Variants in STPG2 observed in about 807,000 individuals in gnomAD.
STPG2 encodes sperm-tail PG-rich repeat-containing protein 2.
In STPG2, 56 loss-of-function variants were observed where a neutral mutation model predicts 54.2. The ratio of observed to expected loss-of-function variants is 1.03; its 90% confidence interval spans 0.83 to 1.29. STPG2 has a LOEUF of 1.29. Among genes scored for constraint, STPG2 ranks in the 50% most tolerant of loss-of-function variants. The pLI is 0.00. For missense variants in STPG2, 596 were observed against 544.9 expected, an observed-to-expected ratio of 1.09 and a Z score of -0.93; for synonymous variants, 200 against 181.8, an observed-to-expected ratio of 1.10 and a Z score of -0.81.
At chr4:97,972,528 T>G in intron 6 of STPG2, 88 bp from the exon 7 acceptor site, 2 of 779,038 alleles carry the variant, frequency 2.6e-6, no homozygotes, top group Non-Finnish European at 3.7e-6. Context: ...AAGGGTTTTT[T>G]TCTAAATAAA....
At chr4:97,549,404 T>C (rs79685288) in intron 4 of STPG2, among the ~76,000 whole-genome samples, 2,612 of 152,214 alleles carry the variant, frequency 0.017, 68 homozygotes, top group African/African-American at 0.058. Flanking sequence ...CTCTAAAATA[T>C]TATGTTTTCC....
intron 4 of STPG2, among the ~76,000 whole-genome samples, chr4:97,461,321 G>C (rs536352041): frequency 6.6e-6 from 1 of 152,098 alleles, no homozygotes; most frequent in Non-Finnish European, 1.5e-5. Context: ...ACACTGCTAT[G>C]GTCAGAATGT....
chr4:97,938,704 G>A (rs1415442541), intron 8 of STPG2, among the ~76,000 whole-genome samples: 1 of 152,170 alleles, frequency 6.6e-6, no homozygotes, highest in African/African-American at 2.4e-5. Context: ...GCTGGTGCTG[G>A]AGGTGCCCCT....
chr4:97,883,723 A>G (rs1460772696), intron 8 of STPG2, among the ~76,000 whole-genome samples: 1 of 152,212 alleles, frequency 6.6e-6, no homozygotes, highest in Non-Finnish European at 1.5e-5. Context: ...AGAAGAAGAA[A>G]AAAAGTTTTA....
At chr4:97,787,758 A>G (rs1378842957) in intron 9 of STPG2, among the ~76,000 whole-genome samples, 1 of 151,902 alleles carries the variant, frequency 6.6e-6, no homozygotes, top group Non-Finnish European at 1.5e-5. Flanking sequence ...GAAGAATTCA[A>G]TTTATTTGGT....
At chr4:98,066,014 A>C (rs1375239445) in intron 5 of STPG2, among the ~76,000 whole-genome samples, 1 of 152,028 alleles carries the variant, frequency 6.6e-6, no homozygotes, top group African/African-American at 2.4e-5. Context: ...TAATTTAATG[A>C]TATACCTATC....
At chr4:97,994,460 C>A (rs1735133566) in intron 5 of STPG2, among the ~76,000 whole-genome samples, 3 of 152,154 alleles carry the variant, frequency 2.0e-5, no homozygotes, top group African/African-American at 7.2e-5. Flanking sequence ...GGGTAGAATG[C>A]TCTGTAAATA....
At chr4:97,678,291 A>G (rs1455668282) in intron 10 of STPG2, among the ~76,000 whole-genome samples, 1 of 152,170 alleles carries the variant, frequency 6.6e-6, no homozygotes, top group Non-Finnish European at 1.5e-5. Flanking sequence ...ATTAAATTAC[A>G]GATTTCTCTA....
chr4:97,744,155 A>G lies in STPG2; in HGVS notation c.1205-31341T>C, dbSNP rs374770237. Among the ~76,000 whole-genome samples, 298 of 151,636 alleles carry G rather than the reference A, an allele frequency of 2.0e-3. 2 individuals are homozygous for G. Among genetic ancestry groups the G allele is most frequent in the African/African-American group, 6.5e-3 (270 of 41,516 alleles). Reference sequence around the variant, plus strand: ...TCTTAAATCACATCTTTCCACATATATATGAGAATAATGAAACAATGGTTT... The same window carrying G: ...TCTTAAATCACATCTTTCCACATATGTATGAGAATAATGAAACAATGGTTT... On this transcript the variant is annotated intron_variant, in intron 9 of 10. Transcript: ENST00000295268.
At chr4:98,089,099 T>C (rs1300940662) in intron 5 of STPG2, among the ~76,000 whole-genome samples, 3 of 152,110 alleles carry the variant, frequency 2.0e-5, no homozygotes, top group Non-Finnish European at 4.4e-5. Context: ...GATGATTTTG[T>C]GTACATGAAT....
chr4:97,486,569 G>A (rs1053648781), intron 4 of STPG2, among the ~76,000 whole-genome samples: 3 of 151,704 alleles, frequency 2.0e-5, no homozygotes, highest in African/African-American at 7.3e-5. Flanking sequence ...CTGCTGGTGG[G>A]AATGTAAATT....
intron 5 of STPG2, among the ~76,000 whole-genome samples, chr4:98,086,325 A>C (rs1346979077): frequency 6.6e-6 from 1 of 152,108 alleles, no homozygotes; most frequent in Non-Finnish European, 1.5e-5. Context: ...ACTCAAACCA[A>C]AATCTGCCTT....
At chr4:98,066,605 A>T (rs1342911034) in intron 5 of STPG2, among the ~76,000 whole-genome samples, 4 of 152,092 alleles carry the variant, frequency 2.6e-5, no homozygotes, top group Admixed American at 2.6e-4. Flanking sequence ...AAAATAAAAT[A>T]AAAAAAGAGC....
chr4:97,951,565 A>G (rs1733471902), intron 7 of STPG2, among the ~76,000 whole-genome samples: 1 of 151,846 alleles, frequency 6.6e-6, no homozygotes, highest in African/African-American at 2.4e-5. Context: ...TAATTCAGTA[A>G]TTGGTGCATT....
intron 5 of STPG2, among the ~76,000 whole-genome samples, chr4:98,016,412 G>T (rs904442778): frequency 1.8e-4 from 28 of 151,962 alleles, no homozygotes; most frequent in Admixed American, 3.9e-4. Flanking sequence ...ATATTGTTCT[G>T]TTTGATTGTA....
At chr4:97,984,101 C>G (rs553009023) in intron 5 of STPG2, among the ~76,000 whole-genome samples, 1 of 152,200 alleles carries the variant, frequency 6.6e-6, no homozygotes, top group East Asian at 1.9e-4. Context: ...TTGCTTTACC[C>G]ATACCATCCC....
chr4:97,682,505 C>G (rs1347890341), intron 10 of STPG2, among the ~76,000 whole-genome samples: 2 of 151,774 alleles, frequency 1.3e-5, no homozygotes, highest in African/African-American at 4.8e-5. Flanking sequence ...AGAACTATGC[C>G]ATGAATAATA....
At chr4:97,913,772 A>G (rs980953760) in intron 8 of STPG2, among the ~76,000 whole-genome samples, 6 of 152,318 alleles carry the variant, frequency 3.9e-5, no homozygotes, top group Admixed American at 3.9e-4. Context: ...TAGTGCATAC[A>G]TAAACCCCAA....
chr4:97,740,919 C>T (rs1725205654), intron 9 of STPG2, among the ~76,000 whole-genome samples: 1 of 151,990 alleles, frequency 6.6e-6, no homozygotes. Context: ...AATCTTAAGG[C>T]AAAAGAACAA....
Sources: allele counts gnomAD v4.1 joint callset (sites outside exome capture counted in the v4.1 genomes callset), GRCh38; gene constraint gnomAD v4.1.1; transcripts MANE v1.5; gene names NCBI Gene and HGNC (gene_info 2026-07-23, HGNC 2026-07-21).